Variants in PHACTR1 observed in about 807,000 individuals in gnomAD.
PHACTR1 encodes the protein phosphatase and actin regulator 1, also known as RPEL repeat containing 1.
PHACTR1 carries 16 observed loss-of-function variants against 69.2 expected under a neutral mutation model. That is an observed-to-expected ratio of 0.23 (90% CI 0.16 to 0.35). The LOEUF (loss-of-function observed/expected upper bound fraction) is 0.35. PHACTR1 is among the 10% of genes least tolerant of loss of function. PHACTR1 has a pLI of 1.00. For missense variants in PHACTR1, 510 were observed against 734.7 expected (o/e 0.69, Z 3.54); for synonymous variants, 312 against 284.5 (o/e 1.10, Z -0.97).
At chr6:13,085,600 G>T (rs1812147097) in intron 5 of PHACTR1, among the ~76,000 whole-genome samples, 1 of 151,998 alleles carries the variant, frequency 6.6e-6, no homozygotes, top group Non-Finnish European at 1.5e-5. Flanking sequence ...TACAGCATAA[G>T]TTGGCAGAAT....
chr6:12,764,233 G>C (rs773891527), intron 4 of PHACTR1, among the ~76,000 whole-genome samples: 70 of 152,184 alleles, frequency 4.6e-4, no homozygotes, highest in Admixed American at 3.6e-3. Flanking sequence ...AGTTTTTAAT[G>C]CATTTGCTGC....
chr6:12,868,077 C>T lies in PHACTR1; in HGVS notation c.250+118287C>T, dbSNP rs189562679. ...GATGGAGACCATCCTGGCCAAATGG[C>T]GAAATCCCATCTCTACTAAAAATAC... On this transcript the variant is annotated intron_variant, in intron 4 of 14. Coordinates refer to ENST00000332995, the MANE Select transcript of PHACTR1 (RefSeq NM_030948.6). Among the ~76,000 whole-genome samples the T allele has an allele frequency of 1.7e-3, 264 of 151,942 alleles. 6 individuals are homozygous for T. Among genetic ancestry groups the T allele is most frequent in the South Asian group, 6.4e-3 (31 of 4,812 alleles).
rs150044667 is a variant in PHACTR1, at chr6:12,884,184, G to A, written c.250+134394G>A. ...CATACATACAAACATGTTCTCCAGC[G>A]TATCATAAGCACTTAAGGGCAGGGA... On this transcript the variant is annotated intron_variant, in intron 4 of 14. Coordinates refer to ENST00000332995, the MANE Select transcript of PHACTR1 (RefSeq NM_030948.6). 3.1e-3 allele frequency among the ~76,000 whole-genome samples: 468 copies of A among 152,034 alleles called. 10 individuals are homozygous for A. Among genetic ancestry groups the A allele is most frequent in the Admixed American group, 0.026 (397 of 15,276 alleles).
intron 5 of PHACTR1, among the ~76,000 whole-genome samples, chr6:13,086,887 A>T (rs1472501857): frequency 1.3e-5 from 2 of 152,108 alleles, no homozygotes; most frequent in African/African-American, 4.8e-5. Flanking sequence ...CCCATCAACA[A>T]GGTGATAGAG....
At chr6:13,142,065 G>A (rs368169214) in intron 5 of PHACTR1, among the ~76,000 whole-genome samples, 3 of 152,084 alleles carry the variant, frequency 2.0e-5, no homozygotes, top group South Asian at 2.1e-4. Context: ...TGTGCAGAAC[G>A]GGAAAGCACA....
At chr6:12,843,900 C>T (rs1055579040) in intron 4 of PHACTR1, among the ~76,000 whole-genome samples, 1 of 152,170 alleles carries the variant, frequency 6.6e-6, no homozygotes, top group African/African-American at 2.4e-5. Flanking sequence ...TGTTTCTTTG[C>T]ATCGATGGAG....
chr6:12,960,730 A>T (rs1012631526), intron 4 of PHACTR1, among the ~76,000 whole-genome samples: 2 of 152,168 alleles, frequency 1.3e-5, no homozygotes, highest in African/African-American at 4.8e-5. Context: ...CTCATCCTGA[A>T]TCTGATGGGC....
chr6:13,125,819 A>T (rs561407522), intron 5 of PHACTR1, among the ~76,000 whole-genome samples: 5 of 152,182 alleles, frequency 3.3e-5, no homozygotes, highest in Admixed American at 3.3e-4. Flanking sequence ...AGTCCCAGCT[A>T]CTTGGGAGGC....
intron 4 of PHACTR1, among the ~76,000 whole-genome samples, chr6:12,999,234 A>G (rs1336837790): frequency 6.6e-6 from 1 of 152,254 alleles, no homozygotes; most frequent in Non-Finnish European, 1.5e-5. Flanking sequence ...TGATAGAATC[A>G]TCTATTGGAA....
chr6:13,104,995 T>A (rs748852819), intron 5 of PHACTR1, among the ~76,000 whole-genome samples: 1 of 152,228 alleles, frequency 6.6e-6, no homozygotes. Context: ...TCTGTCCTTT[T>A]TCCACCACCA....
intron 5 of PHACTR1, among the ~76,000 whole-genome samples, chr6:13,092,128 C>T (rs574540606): frequency 1.3e-5 from 2 of 152,274 alleles, no homozygotes; most frequent in Admixed American, 6.5e-5. Context: ...TCTAATGCCA[C>T]TGATCTGACA....
intron 10 of PHACTR1, among the ~76,000 whole-genome samples, chr6:13,243,079 T>A (rs1183878483): frequency 6.6e-6 from 1 of 152,160 alleles, no homozygotes; most frequent in Non-Finnish European, 1.5e-5. Context: ...TTAGATTATT[T>A]CTCTTGCCAT....
At chr6:12,832,036 A>G (rs1777635605) in intron 4 of PHACTR1, among the ~76,000 whole-genome samples, 1 of 152,060 alleles carries the variant, frequency 6.6e-6, no homozygotes, top group South Asian at 2.1e-4. Context: ...TGAGCCTAAG[A>G]GTTTAAGGCT....
At chr6:13,148,763 T>C (rs1300618246) in intron 5 of PHACTR1, among the ~76,000 whole-genome samples, 2 of 152,156 alleles carry the variant, frequency 1.3e-5, no homozygotes, top group Admixed American at 1.3e-4. Flanking sequence ...CTAATAGAAA[T>C]GAAATCAAAA....
At chr6:12,974,653 C>T (rs1321764335) in intron 4 of PHACTR1, among the ~76,000 whole-genome samples, 4 of 152,150 alleles carry the variant, frequency 2.6e-5, no homozygotes, top group Non-Finnish European at 4.4e-5. Context: ...ATTGCGGTGC[C>T]TTTCAATTCC....
intron 8 of PHACTR1, among the ~76,000 whole-genome samples, chr6:13,223,685 C>A (rs1769066833): frequency 6.6e-6 from 1 of 152,164 alleles, no homozygotes; most frequent in Non-Finnish European, 1.5e-5. Flanking sequence ...CCTTCCTTTA[C>A]CAACTGTGTC....
Position 13,182,333 on chromosome 6 carries a change from G to A in PHACTR1, c.497-186G>A, listed in dbSNP as rs997540072. Among the ~76,000 whole-genome samples the A allele has an allele frequency of 2.6e-5, 4 of 152,296 alleles. No homozygotes were observed. The South Asian group carries it at 8.3e-4, about 32-fold the overall frequency. On this transcript the variant is annotated intron_variant, in intron 6 of 14. Coordinates refer to ENST00000332995, the MANE Select transcript of PHACTR1 (RefSeq NM_030948.6). ...ATGCTGAAGATCATTGGAAATTTTTGCCCTGATGATTAGACAACATATCTC... is the reference window on the plus strand; with the variant it reads ...ATGCTGAAGATCATTGGAAATTTTTACCCTGATGATTAGACAACATATCTC...
chr6:13,092,048 T>A (rs1813370173), intron 5 of PHACTR1, among the ~76,000 whole-genome samples: 1 of 152,208 alleles, frequency 6.6e-6, no homozygotes, highest in Non-Finnish European at 1.5e-5. Flanking sequence ...TCCGCCCATC[T>A]CAGCCTCCCA....
intron 4 of PHACTR1, among the ~76,000 whole-genome samples, chr6:12,811,883 A>C (rs368882848): frequency 2.0e-5 from 3 of 152,178 alleles, no homozygotes; most frequent in African/African-American, 7.2e-5. Context: ...GCTCGTGGTA[A>C]GATTTCATTA....
Sources: allele counts gnomAD v4.1 joint callset (sites outside exome capture counted in the v4.1 genomes callset), GRCh38; gene constraint gnomAD v4.1.1; transcripts MANE v1.5; gene names NCBI Gene and HGNC (gene_info 2026-07-23, HGNC 2026-07-21).